PSD3: variants seen among roughly 807,000 people sequenced by gnomAD.
PSD3 encodes the protein pleckstrin and Sec7 domain containing 3.
Under a neutral mutation model 105.5 loss-of-function variants are expected in PSD3, and 49 were observed. The ratio of observed to expected loss-of-function variants is 0.46; its 90% CI spans 0.37 to 0.59. The LOEUF (loss-of-function observed/expected upper bound fraction) is 0.59. Among genes scored for constraint, PSD3 ranks in the 20% least tolerant of loss-of-function variants. The pLI is 0.00. For synonymous variants in PSD3, 557 were observed against 457.8 expected (o/e 1.22, Z -2.77); for missense variants, 1,561 against 1,263.8 (o/e 1.24, Z -3.57).
At chr8:18,957,962 A>T (rs1170216855) in intron 1 of PSD3, among the ~76,000 whole-genome samples, 1 of 152,172 alleles carries the variant, frequency 6.6e-6, no homozygotes, top group Non-Finnish European at 1.5e-5. Flanking sequence ...TTTTTCGAAG[A>T]TAATTAAGCT....
intron 1 of PSD3, among the ~76,000 whole-genome samples, chr8:19,071,828 C>T (rs1229107528): frequency 6.6e-6 from 1 of 151,910 alleles, no homozygotes; most frequent in Non-Finnish European, 1.5e-5. Flanking sequence ...TCCTGCCTCA[C>T]CCTCCCGAGT....
At chr8:18,720,205 G>C (rs1379605637) in intron 9 of PSD3, among the ~76,000 whole-genome samples, 3 of 152,034 alleles carry the variant, frequency 2.0e-5, no homozygotes, top group African/African-American at 7.2e-5. Context: ...AACCCTCAAA[G>C]CTCCTGCTTT....
At chr8:18,637,942 G>C (rs1005220073) in intron 10 of PSD3, among the ~76,000 whole-genome samples, 2 of 151,978 alleles carry the variant, frequency 1.3e-5, no homozygotes, top group Non-Finnish European at 1.5e-5. Flanking sequence ...TAGATCACAA[G>C]GTCAGGAGTT....
intron 12 of PSD3, among the ~76,000 whole-genome samples, chr8:18,580,242 G>C (rs1453513396): frequency 2.6e-5 from 4 of 152,074 alleles, no homozygotes; most frequent in Non-Finnish European, 5.9e-5. Context: ...AGTGACAGGA[G>C]ACCAGGCCAG....
At chr8:18,691,922 A>T (rs1800993080) in intron 9 of PSD3, among the ~76,000 whole-genome samples, 1 of 152,218 alleles carries the variant, frequency 6.6e-6, no homozygotes, top group Non-Finnish European at 1.5e-5. Context: ...ACAGAGAGGG[A>T]GCCACTTTTT....
chr8:18,902,665 GA>G (rs1253902954), intron 2 of PSD3, among the ~76,000 whole-genome samples: 6 of 152,162 alleles, frequency 3.9e-5, no homozygotes, highest in African/African-American at 1.4e-4. Flanking sequence ...CTTTTGTACA[GA>G]AAGACTTTGA....
intron 2 of PSD3, among the ~76,000 whole-genome samples, chr8:18,910,736 G>A (rs1820164448): frequency 6.7e-6 from 1 of 150,104 alleles, no homozygotes; most frequent in African/African-American, 2.5e-5. Context: ...GGTATGCCAA[G>A]ATCCATAAAG....
chr8:18,665,274 T>C (rs1367878104), intron 9 of PSD3, among the ~76,000 whole-genome samples: 2 of 152,220 alleles, frequency 1.3e-5, no homozygotes, highest in African/African-American at 2.4e-5. Context: ...GAGGTCAAAA[T>C]ATCAACATCA....
rs1811070217 is a variant in PSD3 at position 18,804,930 on chromosome 8, G to T, written c.1635-32C>A. The T allele has an allele frequency of 2.0e-6, 3 of 1,511,010 alleles. No individual in the cohort carries two copies. The African/African-American group carries it at 4.2e-5, about 21-fold the overall frequency. The allele number at this position is 1,511,010 out of a possible 1,614,324, so 93.6% of individuals were successfully genotyped here. On this transcript the variant is annotated intron_variant, in intron 4 of 15. Transcript: ENST00000327040. ...TAATTGATAAAGAGAGAAAATAATA[G>T]ATTTTTCTTATATGGCAAAAAGGAA...
intron 4 of PSD3, among the ~76,000 whole-genome samples, chr8:18,865,743 T>A (rs563926413): frequency 6.6e-6 from 1 of 152,066 alleles, no homozygotes; most frequent in Non-Finnish European, 1.5e-5. Flanking sequence ...TAGAACGTGG[T>A]CCTTTACCAC....
intron 1 of PSD3, among the ~76,000 whole-genome samples, chr8:18,984,088 T>C (rs921324191): frequency 2.7e-5 from 4 of 149,160 alleles, no homozygotes; most frequent in African/African-American, 2.5e-5. Flanking sequence ...GTTTAAAATA[T>C]CGCAAGAATT....
At chr8:18,612,507 G>A (rs1312572547) in intron 11 of PSD3, among the ~76,000 whole-genome samples, 1 of 151,984 alleles carries the variant, frequency 6.6e-6, no homozygotes, top group Non-Finnish European at 1.5e-5. Flanking sequence ...CCAATAGCTG[G>A]GACTACAGGC....
At chr8:19,072,078 G>C (rs898602730) in intron 1 of PSD3, among the ~76,000 whole-genome samples, 2 of 149,902 alleles carry the variant, frequency 1.3e-5, no homozygotes, top group Non-Finnish European at 2.9e-5. Context: ...ACTCTACAGA[G>C]CTCTTTTGGT....
chr8:18,605,074 T>C (rs985371746), intron 11 of PSD3, among the ~76,000 whole-genome samples: 3 of 152,196 alleles, frequency 2.0e-5, no homozygotes, highest in African/African-American at 7.2e-5. Flanking sequence ...ACTGGGGTGC[T>C]ACCTAGTGGA....
At chr8:18,605,535 T>C (rs559529615) in intron 11 of PSD3, among the ~76,000 whole-genome samples, 75 of 152,296 alleles carry the variant, frequency 4.9e-4, no homozygotes, top group African/African-American at 1.3e-3. Context: ...TTTGGATTTC[T>C]GAGTTAATGG....
At chr8:18,674,687 T>C (rs1799972880) in intron 9 of PSD3, among the ~76,000 whole-genome samples, 1 of 152,130 alleles carries the variant, frequency 6.6e-6, no homozygotes. Context: ...CCTTTTTATT[T>C]TACCTGTTTT....
chr8:18,815,673 C>T lies in PSD3; in HGVS notation c.1635-10775G>A, dbSNP rs111422485. ...CTATAGCACAGGCGTTGCTGTGTTT[C>T]TCTTTGGCGTGTTTGGAACTGCGTA... On this transcript the variant is annotated intron_variant, in intron 4 of 15. Transcript: ENST00000327040. 4.0e-3 allele frequency among the ~76,000 whole-genome samples: 614 copies of T among 152,284 alleles called. 3 individuals carry two copies. The highest frequency in any genetic ancestry group is 0.014 in the African/African-American group (568 of 41,548).
rs566862673 is a variant in PSD3 at position 18,944,738 on chromosome 8, T to C, written c.22-8596A>G. 1.3e-4 allele frequency among the ~76,000 whole-genome samples: 20 copies of C among 152,332 alleles called. No homozygotes were observed. In the South Asian group the frequency reaches 3.9e-3, roughly 30 times the overall value. The stretch of plus-strand genomic sequence containing the variant: ...CAAACTTTCAATTTATAATTTTATT[T>C]ATTTTTATCAGAACAGGCTGAATTT... On this transcript the variant is annotated intron_variant, in intron 1 of 15. Transcript: ENST00000327040.
intron 1 of PSD3, among the ~76,000 whole-genome samples, chr8:19,065,266 T>C (rs888797970): frequency 6.6e-6 from 1 of 152,194 alleles, no homozygotes; most frequent in African/African-American, 2.4e-5. Flanking sequence ...ATACAGAAGA[T>C]TTCTGTGACC....
Sources: allele counts gnomAD v4.1 joint callset (sites outside exome capture counted in the v4.1 genomes callset), GRCh38; gene constraint gnomAD v4.1.1; transcripts MANE v1.5; gene names NCBI Gene and HGNC (gene_info 2026-07-23, HGNC 2026-07-21).